The following CACNA2D3 variants were observed in gnomAD, a reference collection of about 807,000 sequenced individuals.
The protein encoded by CACNA2D3 is voltage-dependent calcium channel subunit alpha-2/delta-3.
A neutral mutation model predicts 160.6 loss-of-function variants in CACNA2D3; 60 were observed. That is an observed-to-expected ratio of 0.37 (90% CI 0.30 to 0.46). The LOEUF (loss-of-function observed/expected upper bound fraction) is 0.46. Ranked by LOEUF, CACNA2D3 falls within the 20% of genes least tolerant of loss-of-function variation. CACNA2D3 has a pLI of 1.00. For synonymous variants in CACNA2D3, 558 were observed against 492.9 expected (o/e 1.13, Z -1.75); for missense variants, 1,205 against 1,365.0 (o/e 0.88, Z 1.85).
intron 9 of CACNA2D3, among the ~76,000 whole-genome samples, chr3:54,611,960 T>G (rs936337050): frequency 5.9e-5 from 9 of 152,238 alleles, no homozygotes; most frequent in Admixed American, 5.2e-4. Context: ...CTGTACACAT[T>G]TGCACAAGGA....
chr3:54,275,742 C>G (rs995061330), intron 2 of CACNA2D3, among the ~76,000 whole-genome samples: 3 of 152,110 alleles, frequency 2.0e-5, no homozygotes, highest in African/African-American at 7.2e-5. Context: ...CTCAGCCTCC[C>G]AAGTAGCTGG....
At chr3:54,410,231 G>A (rs1160055106) in intron 4 of CACNA2D3, among the ~76,000 whole-genome samples, 2 of 152,136 alleles carry the variant, frequency 1.3e-5, no homozygotes, top group Non-Finnish European at 1.5e-5. Flanking sequence ...GCTTGCATGT[G>A]TAATACCAGC....
intron 2 of CACNA2D3, among the ~76,000 whole-genome samples, chr3:54,125,051 T>C (rs1027363439): frequency 1.3e-5 from 2 of 152,222 alleles, no homozygotes; most frequent in African/African-American, 4.8e-5. Context: ...TTTATATTTT[T>C]CTTATGCTTT....
Position 54,464,704 on chromosome 3 carries a change from A to G in CACNA2D3, c.382-38788A>G, listed in dbSNP as rs1478647755. On this transcript the variant is annotated intron_variant, in intron 4 of 37. Transcript: ENST00000474759. ...CCCCTTTCTTTGACTAGGAAGGGGA[A>G]CTCCCTGACCCCTCGCGCTTCCTGA... 3.3e-5 allele frequency among the ~76,000 whole-genome samples: 5 copies of G among 152,290 alleles called. No individual in the cohort carries two copies. In the East Asian group the frequency reaches 7.8e-4, roughly 24 times the overall value.
chr3:54,526,439 A>G (rs1017781474), intron 5 of CACNA2D3, among the ~76,000 whole-genome samples: 3 of 152,036 alleles, frequency 2.0e-5, no homozygotes, highest in Non-Finnish European at 4.4e-5. Context: ...ATTTTAGATA[A>G]TATATTTTAG....
At chr3:54,733,569 C>T (rs888108880) in intron 11 of CACNA2D3, among the ~76,000 whole-genome samples, 34 of 152,212 alleles carry the variant, frequency 2.2e-4, no homozygotes, top group Non-Finnish European at 4.9e-4. Context: ...TGAAGGTTAA[C>T]ATTAGGCCTC....
Position 54,804,353 on chromosome 3 carries a change from G to A in CACNA2D3, c.1381-12500G>A, listed in dbSNP as rs545226293. Among the ~76,000 whole-genome samples the A allele has an allele frequency of 6.8e-3, 1,035 of 152,082 alleles. 9 individuals are homozygous for A. The highest frequency in any genetic ancestry group is 0.035 in the South Asian group (170 of 4,790). On this transcript the variant is annotated intron_variant, in intron 13 of 37. Transcript: ENST00000474759. ...ACACATAGGCTCAAAATAAAAGGAT[G>A]GAGGAAGATCTACCAAGCAAATGGA...
At chr3:54,171,018 A>G (rs894154731) in intron 2 of CACNA2D3, among the ~76,000 whole-genome samples, 3 of 152,018 alleles carry the variant, frequency 2.0e-5, no homozygotes, top group African/African-American at 7.2e-5. Flanking sequence ...GGGAGGAGAA[A>G]GCGTGTGGAC....
intron 35 of CACNA2D3, among the ~76,000 whole-genome samples, chr3:55,065,765 G>T (rs913019036): frequency 1.3e-5 from 2 of 150,408 alleles, no homozygotes; most frequent in African/African-American, 2.4e-5. Flanking sequence ...GGAAACGAAA[G>T]AAAAAAAAAT....
chr3:54,279,072 C>G (rs949897892), intron 2 of CACNA2D3, among the ~76,000 whole-genome samples: 2 of 152,176 alleles, frequency 1.3e-5, no homozygotes, highest in African/African-American at 4.8e-5. Flanking sequence ...TGCGACGATA[C>G]CTAATTCACT....
chr3:54,839,168 G>A (rs1176422731), intron 16 of CACNA2D3, among the ~76,000 whole-genome samples: 1 of 152,168 alleles, frequency 6.6e-6, no homozygotes, highest in Non-Finnish European at 1.5e-5. Flanking sequence ...TGAGGCAGGA[G>A]AATGGCGTGA....
At chr3:54,419,121 C>T (rs949199334) in intron 4 of CACNA2D3, among the ~76,000 whole-genome samples, 5 of 152,190 alleles carry the variant, frequency 3.3e-5, no homozygotes, top group African/African-American at 1.2e-4. Context: ...GACAATGCCG[C>T]CAGCAGAATT....
chr3:54,601,240 G>C (rs528852894), intron 9 of CACNA2D3, among the ~76,000 whole-genome samples: 4 of 152,162 alleles, frequency 2.6e-5, no homozygotes, highest in Non-Finnish European at 4.4e-5. Context: ...ATCTCACTGT[G>C]TCATTCAGGC....
chr3:54,933,272 A>G (rs752981909), intron 27 of CACNA2D3, among the ~76,000 whole-genome samples: 1 of 152,248 alleles, frequency 6.6e-6, no homozygotes, highest in Non-Finnish European at 1.5e-5. Context: ...TATTAAAATT[A>G]TGCTATTTTA....
At chr3:54,286,224 A>G (rs1703022001) in intron 2 of CACNA2D3, among the ~76,000 whole-genome samples, 1 of 152,244 alleles carries the variant, frequency 6.6e-6, no homozygotes, top group Non-Finnish European at 1.5e-5. Context: ...CAATGCAGAG[A>G]AGTCCTTAAA....
chr3:54,468,265 G>A (rs563364933), intron 4 of CACNA2D3, among the ~76,000 whole-genome samples: 2 of 152,326 alleles, frequency 1.3e-5, no homozygotes, highest in East Asian at 1.9e-4. Context: ...TGGACAGTGG[G>A]TGCAGCCCGT....
chr3:55,062,411 G>A (rs558565728), intron 35 of CACNA2D3, among the ~76,000 whole-genome samples: 4 of 147,060 alleles, frequency 2.7e-5, no homozygotes, highest in Non-Finnish European at 5.9e-5. Context: ...ACCACACCTG[G>A]CTGTATCTTC....
chr3:54,883,371 G>C (rs940037812), intron 21 of CACNA2D3, among the ~76,000 whole-genome samples: 2 of 152,136 alleles, frequency 1.3e-5, no homozygotes, highest in African/African-American at 4.8e-5. Context: ...CAACAAATTA[G>C]AGCTTATGTC....
intron 11 of CACNA2D3, among the ~76,000 whole-genome samples, chr3:54,726,224 A>G (rs967852506): frequency 6.6e-6 from 1 of 152,192 alleles, no homozygotes; most frequent in African/African-American, 2.4e-5. Context: ...GGACCTCTTC[A>G]AGCAGAACTA....
Sources: allele counts gnomAD v4.1 joint callset (sites outside exome capture counted in the v4.1 genomes callset), GRCh38; gene constraint gnomAD v4.1.1; transcripts MANE v1.5; gene names NCBI Gene and HGNC (gene_info 2026-07-23, HGNC 2026-07-21).